The following NCOR1 variants were observed in gnomAD, a reference collection of about 807,000 sequenced individuals.
NCOR1 encodes the protein protein phosphatase 1, regulatory subunit 109.
A neutral mutation model predicts 288.1 loss-of-function variants in NCOR1; 63 were observed. The ratio of observed to expected loss-of-function variants is 0.22; its 90% CI spans 0.18 to 0.27. The LOEUF (loss-of-function observed/expected upper bound fraction) is 0.27, where lower values mean the gene tolerates loss of function less well. Among genes scored for constraint, NCOR1 ranks in the 10% least tolerant of loss-of-function variants. The probability of loss-of-function intolerance (pLI) is 1.00; values close to 1 mark genes in which losing one functional copy is unlikely to be tolerated. For missense variants in NCOR1, 2,397 were observed against 3,019.2 expected (o/e 0.79, Z 4.83); for synonymous variants, 1,007 against 1,065.9 (o/e 0.94, Z 1.08).
In NCOR1 at chr17:16,098,339, A is replaced by T. The variant is rs368764414; in HGVS notation, c.2820+28T>A. 3.1e-6 allele frequency: 5 copies of T among 1,606,432 alleles called. No individual in the cohort carries two copies. The African/African-American group carries it at 6.7e-5, about 22-fold the overall frequency. On this transcript the variant is annotated intron_variant, in intron 21 of 45. Coordinates refer to ENST00000268712, the MANE Select transcript of NCOR1 (RefSeq NM_006311.4). ...ATAAAGGTCTCAGTTTTTCATATTT[A>T]GTTTTCTTCCTCACAATAAAAACTT...
chr17:16,159,348 G>A (rs776922005), intron 5 of NCOR1, among the ~76,000 whole-genome samples: 4 of 147,496 alleles, frequency 2.7e-5, no homozygotes, highest in Non-Finnish European at 3.0e-5. Context: ...GGGAGGTGGA[G>A]GTTGCAGTGA....
chr17:16,121,677 C>G (rs1460406532), intron 15 of NCOR1, among the ~76,000 whole-genome samples: 5 of 152,098 alleles, frequency 3.3e-5, no homozygotes, highest in Admixed American at 6.6e-5. Context: ...AATGAAGAAG[C>G]TAAAATAGAT....
chr17:16,033,036 T>G (rs1052270096), intron 45 of NCOR1, among the ~76,000 whole-genome samples: 8 of 152,046 alleles, frequency 5.3e-5, no homozygotes, highest in Non-Finnish European at 8.8e-5. Context: ...CCAGAAAGCC[T>G]CCTACAGCTT....
chr17:16,111,962 C>T (rs1029722391), intron 18 of NCOR1, among the ~76,000 whole-genome samples: 2 of 152,100 alleles, frequency 1.3e-5, no homozygotes, highest in Admixed American at 1.3e-4. Context: ...CTCCGGCTCC[C>T]GGGTTCAGGC....
At chr17:16,076,913 A>G (rs2062546589) in intron 26 of NCOR1, among the ~76,000 whole-genome samples, 2 of 152,234 alleles carry the variant, frequency 1.3e-5, no homozygotes, top group East Asian at 1.9e-4. Context: ...GCCTGCAGCC[A>G]GCACTGGTCA....
At chr17:16,076,159 T>C (rs2062424133) in intron 26 of NCOR1, among the ~76,000 whole-genome samples, 1 of 152,256 alleles carries the variant, frequency 6.6e-6, no homozygotes, top group South Asian at 2.1e-4. Context: ...AGTTACGCAA[T>C]ATATCATTTT....
chr17:16,146,170 G>A (rs1441561675), intron 10 of NCOR1, among the ~76,000 whole-genome samples: 1 of 152,022 alleles, frequency 6.6e-6, no homozygotes, highest in African/African-American at 2.4e-5. Context: ...GAAGGCCGCA[G>A]GGTCCTCTGC....
rs1485211109 is a variant in NCOR1, at chr17:16,158,833, T to G, written c.659A>C (p.Glu220Ala). ...CACAGGAGGAGGGGACACGGGCTTC[T>G]CAGGCTCAGGAGGTTTAGCTGCCTC... is the stretch of plus-strand genomic sequence containing the variant. ...EEEAAKPPEP[E>A]KPVSPPPVEQ... Residue 220 changes from glutamate (E) to alanine (A), a missense_variant, in exon 6 of 46, where the codon GAG becomes GCG. By Grantham distance (107) the Glu-to-Ala change is moderately radical (BLOSUM62 -1). Transcript: ENST00000268712. 2.5e-5 allele frequency: 41 copies of G among 1,614,080 alleles called. No individual in the cohort carries two copies. Among genetic ancestry groups the G allele is most frequent in the Non-Finnish European group, 3.3e-5 (39 of 1,179,980 alleles).
intron 3 of NCOR1, among the ~76,000 whole-genome samples, chr17:16,177,690 G>A (rs905042265): frequency 2.6e-5 from 4 of 152,128 alleles, no homozygotes; most frequent in African/African-American, 4.8e-5. Context: ...AGCCAGACAT[G>A]TAGACCACTC....
intron 21 of NCOR1, among the ~76,000 whole-genome samples, chr17:16,096,565 G>A (rs1355769932): frequency 6.6e-6 from 1 of 152,056 alleles, no homozygotes; most frequent in Non-Finnish European, 1.5e-5. Context: ...TAGTGCTGTG[G>A]TTACAAACAA....
intron 1 of NCOR1, among the ~76,000 whole-genome samples, chr17:16,195,343 C>T (rs1291817659): frequency 1.3e-5 from 2 of 152,054 alleles, no homozygotes; most frequent in East Asian, 3.9e-4. Context: ...CGGTGACATG[C>T]GTCTGTAATC....
At chr17:16,042,757 G>A (rs149643371) in intron 42 of NCOR1, among the ~76,000 whole-genome samples, 1 of 152,314 alleles carries the variant, frequency 6.6e-6, no homozygotes, top group African/African-American at 2.4e-5. Context: ...CTGTGGTAGG[G>A]AAGGAGGAGG....
chr17:16,037,759 T>A (rs2056716717), intron 44 of NCOR1, among the ~76,000 whole-genome samples: 1 of 152,236 alleles, frequency 6.6e-6, no homozygotes, highest in Non-Finnish European at 1.5e-5. Flanking sequence ...CAAGTTTTGG[T>A]AGCCCTTTTG....
At chr17:16,053,209 G>T (rs948360324) in intron 40 of NCOR1, among the ~76,000 whole-genome samples, 9 of 152,132 alleles carry the variant, frequency 5.9e-5, no homozygotes, top group Non-Finnish European at 8.8e-5. Flanking sequence ...ATCAGGCAAG[G>T]GAACGAAAGA....
At chr17:16,184,670 T>A (rs2086230820) in intron 3 of NCOR1, among the ~76,000 whole-genome samples, 1 of 152,102 alleles carries the variant, frequency 6.6e-6, no homozygotes, top group Non-Finnish European at 1.5e-5. Flanking sequence ...CCTAAAGCAA[T>A]TAAAAATAGA....
At chr17:16,131,248 C>T (rs1229731443) in intron 14 of NCOR1, among the ~76,000 whole-genome samples, 1 of 150,536 alleles carries the variant, frequency 6.6e-6, no homozygotes, top group Non-Finnish European at 1.5e-5. Context: ...TGGTCTCAAA[C>T]CTCCCAGGCT....
chr17:16,128,299 C>A (rs2075067367), intron 14 of NCOR1, among the ~76,000 whole-genome samples: 1 of 152,184 alleles, frequency 6.6e-6, no homozygotes, highest in Non-Finnish European at 1.5e-5. Flanking sequence ...CTCTACAATT[C>A]AGGTCAAAAT....
At position 16,057,753 on chromosome 17, in the gene NCOR1, G is replaced by A; in HGVS notation, c.6169-16C>T. On this transcript the variant is annotated splice_polypyrimidine_tract_variant and intron_variant, in intron 39 of 45. Coordinates refer to ENST00000268712, the MANE Select transcript of NCOR1 (RefSeq NM_006311.4). ...TGATAATTTGCTGTGAATGAGAAAT[G>A]AAGGAAGTGGTAAAATTCATTGAGT... The A allele has an allele frequency of 6.2e-7, 1 of 1,608,658 alleles. No homozygotes were observed.
intron 20 of NCOR1, 93 bp downstream of exon 20, chr17:16,101,157 A>T: frequency 7.6e-7 from 1 of 1,311,746 alleles, no homozygotes; most frequent in Non-Finnish European, 1.0e-6. Flanking sequence ...GCCAATATTT[A>T]CATAGGAGAC....
Sources: allele counts gnomAD v4.1 joint callset (sites outside exome capture counted in the v4.1 genomes callset), GRCh38; gene constraint gnomAD v4.1.1; transcripts MANE v1.5; gene names NCBI Gene and HGNC (gene_info 2026-07-23, HGNC 2026-07-21).